ASH1L: variants seen among roughly 807,000 people sequenced by gnomAD.
ASH1L encodes ASH1 like histone lysine methyltransferase, also known as histone-lysine N-methyltransferase ASH1L.
ASH1L carries 23 observed loss-of-function variants against 269.0 expected under a neutral mutation model. The observed-to-expected ratio is 0.09, with a 90% confidence interval of 0.06 to 0.12. The LOEUF is 0.12. ASH1L is among the 10% of genes least tolerant of loss of function. The probability of loss-of-function intolerance (pLI) is 1.00; values close to 1 mark genes in which losing one functional copy is unlikely to be tolerated. For missense variants in ASH1L, 2,912 were observed against 3,567.8 expected, an observed-to-expected ratio of 0.82 and a Z score of 4.68; for synonymous variants, 1,187 against 1,253.5, an observed-to-expected ratio of 0.95 and a Z score of 1.12.
chr1:155,499,464 A>AT (rs749478645), intron 2 of ASH1L, among the ~76,000 whole-genome samples: 4 of 152,220 alleles, frequency 2.6e-5, no homozygotes, highest in Non-Finnish European at 5.9e-5. Flanking sequence ...GTACTCAGTG[A>AT]TTTTGACTCA....
At position 155,379,955 on chromosome 1, in the gene ASH1L, A is replaced by G. The variant is rs148421014; in HGVS notation, c.6177+88T>C. The G allele has an allele frequency of 7.2e-3, 6,991 of 965,910 alleles. 107 individuals are homozygous for G. The highest frequency in any genetic ancestry group is 0.044 in the South Asian group (3,123 of 70,472). 59.8% of individuals were successfully genotyped at this position (965,910 alleles called of 1,614,324 possible). ...TCTGAAAACCTCCTAAGATGAAAAC[A>G]TAACAAGGGGAGAGAAAAACACTTG... On this transcript the variant is annotated intron_variant, in intron 8 of 27. Coordinates refer to ENST00000392403, the MANE Select transcript of ASH1L (RefSeq NM_018489.3).
chr1:155,519,892 C>T (rs897912398), intron 2 of ASH1L, among the ~76,000 whole-genome samples: 6 of 152,058 alleles, frequency 3.9e-5, no homozygotes, highest in Non-Finnish European at 8.8e-5. Context: ...CTCCTGTCCT[C>T]AGGTGATCCA....
intron 22 of ASH1L, 93 bp downstream of exon 22, chr1:155,344,090 T>C: frequency 1.8e-6 from 2 of 1,122,242 alleles, no homozygotes; most frequent in Non-Finnish European, 2.7e-6. Flanking sequence ...TTCGAGGCCG[T>C]ATGGAGACAA....
chr1:155,356,302 A>C (rs1654382900), intron 15 of ASH1L, among the ~76,000 whole-genome samples: 1 of 152,058 alleles, frequency 6.6e-6, no homozygotes, highest in Non-Finnish European at 1.5e-5. Flanking sequence ...AGCCTATGGA[A>C]CCATTCTCTG....
intron 4 of ASH1L, among the ~76,000 whole-genome samples, chr1:155,445,266 C>A (rs1227016004): frequency 6.6e-6 from 1 of 152,096 alleles, no homozygotes; most frequent in Admixed American, 6.5e-5. Context: ...TCACTGCAAC[C>A]TCCACCTCCC....
At chr1:155,359,790 C>T (rs192771346) in intron 13 of ASH1L, among the ~76,000 whole-genome samples, 8 of 152,108 alleles carry the variant, frequency 5.3e-5, no homozygotes, top group Admixed American at 2.0e-4. Context: ...GTTACCCAGG[C>T]GGGTCTTGAA....
Position 155,481,830 on chromosome 1 carries a change from A to T in ASH1L, c.1040T>A (p.Val347Asp). The T allele has an allele frequency of 6.2e-7, 1 of 1,614,226 alleles. No homozygotes were observed. Among genetic ancestry groups the T allele is most frequent in the Non-Finnish European group, 8.5e-7 (1 of 1,180,040 alleles). ...AGACTCTTTATGCACTAAACCTGGA[A>T]CAATACCAATTCCTAGCTTCTTTCC... ...DSGKKLGIGIVPGLVHKESGK... is the reference protein window; with the variant it reads ...DSGKKLGIGIDPGLVHKESGK... Residue 347 changes from valine (V) to aspartate (D), a missense_variant, in exon 3 of 28, where the codon GTT becomes GAT. Val to Asp is a radical substitution (Grantham distance 152, BLOSUM62 -3). Around this residue, in one of 13 missense-constraint regions of ASH1L, gnomAD observed 277 missense variants for 367.7 expected, o/e 0.75. Transcript: ENST00000392403.
At chr1:155,360,537 G>A (rs1278875454) in intron 12 of ASH1L, 128 bp from the exon 13 acceptor site, 31 of 573,712 alleles carry the variant, frequency 5.4e-5, no homozygotes, top group Admixed American at 3.2e-4. Flanking sequence ...TCCGCTTCCC[G>A]GATTCAAGCG....
chr1:155,392,169 C>A (rs949082943), intron 7 of ASH1L, among the ~76,000 whole-genome samples: 2 of 152,040 alleles, frequency 1.3e-5, no homozygotes, highest in African/African-American at 4.8e-5. Flanking sequence ...GGGTCAGTTA[C>A]CTAGATAAGT....
intron 7 of ASH1L, among the ~76,000 whole-genome samples, chr1:155,388,715 CTTTTT>C (rs142537672): frequency 7.6e-5 from 10 of 131,692 alleles, no homozygotes; most frequent in Non-Finnish European, 1.6e-4. Context: ...AATTGCGATT[CTTTTT>C]TTTTTTTTTT....
In ASH1L at chr1:155,335,849, G is replaced by A. The variant is rs917253597; in HGVS notation, c.*1811C>T. 1 of 151,036 alleles carries A rather than the reference G, an allele frequency of 6.6e-6. No homozygotes were observed. Among genetic ancestry groups the A allele is most frequent in the Non-Finnish European group, 1.5e-5 (1 of 67,766 alleles). 9.4% of individuals were successfully genotyped at this position (151,036 alleles called of 1,614,324 possible). ...TTAATCTCTTTCTTGTCATTTTCTC[G>A]CTTTTGACTAAAAGGAGACCCCCAA... On this transcript the variant is annotated 3_prime_UTR_variant, in exon 28 of 28. Transcript: ENST00000392403.
intron 1 of ASH1L, among the ~76,000 whole-genome samples, chr1:155,541,909 C>T (rs1033463014): frequency 2.6e-5 from 4 of 151,952 alleles, no homozygotes; most frequent in East Asian, 1.9e-4. Flanking sequence ...AAACTTAGAA[C>T]AGGAAAGTGA....
chr1:155,467,953 C>T (rs1287328477), intron 3 of ASH1L, among the ~76,000 whole-genome samples: 2 of 152,140 alleles, frequency 1.3e-5, no homozygotes, highest in Non-Finnish European at 2.9e-5. Context: ...CCAATGTTAA[C>T]ATCTTACATA....
intron 4 of ASH1L, among the ~76,000 whole-genome samples, chr1:155,451,610 AT>A (rs1269763316): frequency 2.0e-5 from 3 of 152,030 alleles, no homozygotes; most frequent in African/African-American, 2.4e-5. Context: ...AAATACAAAA[AT>A]TGGCTGGCGT....
intron 5 of ASH1L, among the ~76,000 whole-genome samples, chr1:155,425,270 C>T (rs951370271): frequency 1.1e-4 from 16 of 148,374 alleles, no homozygotes; most frequent in East Asian, 2.0e-4. Context: ...CCACCACGCC[C>T]GGCCTAGTTT....
chr1:155,462,635 C>T (rs915964951), intron 3 of ASH1L, among the ~76,000 whole-genome samples: 4 of 152,172 alleles, frequency 2.6e-5, no homozygotes, highest in Non-Finnish European at 4.4e-5. Flanking sequence ...TTACTTAGCT[C>T]ACTTAGCTTC....
chr1:155,420,583 G>A (rs1660592762), intron 5 of ASH1L, among the ~76,000 whole-genome samples: 1 of 151,640 alleles, frequency 6.6e-6, no homozygotes, highest in African/African-American at 2.4e-5. Flanking sequence ...AGGTGTGGTG[G>A]CTCATGCCTG....
At chr1:155,526,702 G>A (rs746269304) in intron 1 of ASH1L, among the ~76,000 whole-genome samples, 5 of 152,098 alleles carry the variant, frequency 3.3e-5, no homozygotes, top group Non-Finnish European at 2.9e-5. Context: ...TGCCACAAGT[G>A]CCCACCATAT....
Position 155,480,069 on chromosome 1 carries a change from T to C in ASH1L, c.2801A>G (p.Asp934Gly), listed in dbSNP as rs1363724661. ...AAGTTGATCCTCGCTCTCAAAGAAATCACTGCTACTTCTATGGTTGTCACT... is the reference window on the plus strand; with the variant it reads ...AAGTTGATCCTCGCTCTCAAAGAAACCACTGCTACTTCTATGGTTGTCACT... ...SESDNHRSSS[D>G]FFESEDQLQD... Residue 934 changes from aspartate to glycine, a missense_variant, in exon 3 of 28, where the codon GAT (aspartate) becomes GGT (glycine). Transcript: ENST00000392403. The C allele has an allele frequency of 6.2e-7, 1 of 1,614,128 alleles. No homozygotes were observed. The highest frequency in any genetic ancestry group is 8.5e-7 in the Non-Finnish European group (1 of 1,180,012).
Sources: gnomAD v4.1 joint callset for allele counts (sites outside exome capture counted in the v4.1 genomes callset) on GRCh38, gnomAD v4.1.1 for gene constraint, gnomAD v4.1.1 regional missense constraint, MANE v1.5 for transcripts, NCBI Gene and HGNC (gene_info 2026-07-23, HGNC 2026-07-21) for gene names.